GTF3C4: variants seen among roughly 807,000 people sequenced by gnomAD.
GTF3C4 encodes the protein general transcription factor 3C polypeptide 4.
GTF3C4 carries 28 observed loss-of-function variants against 67.5 expected under a neutral mutation model. The ratio of observed to expected loss-of-function variants is 0.41; its 90% CI spans 0.31 to 0.57. The LOEUF (loss-of-function observed/expected upper bound fraction) is 0.57, where lower values mean the gene tolerates loss of function less well. Ranked by LOEUF, GTF3C4 falls within the 20% of genes least tolerant of loss-of-function variation. The pLI, the probability that GTF3C4 is intolerant of heterozygous loss-of-function variation, is 0.21. For synonymous variants in GTF3C4, 409 were observed against 393.0 expected, an observed-to-expected ratio of 1.04 and a Z score of -0.48; for missense variants, 831 against 1,033.2, an observed-to-expected ratio of 0.80 and a Z score of 2.68.
In GTF3C4 at chr9:132,670,945, G is replaced by C; in HGVS notation, c.347G>C (p.Cys116Ser). ...RTSVPAPLNS[C>S]LLKVGSKTEV... ...TCGGTGCCCGCACCGCTCAACAGCTGTCTCCTCAAAGTAAGTCATCCCCCG... is the reference window on the plus strand; with the variant it reads ...TCGGTGCCCGCACCGCTCAACAGCTCTCTCCTCAAAGTAAGTCATCCCCCG... Residue 116 changes from cysteine to serine, a missense_variant, in exon 1 of 5, where the codon TGT becomes TCT. Around this residue, in one of 4 missense-constraint regions of GTF3C4, gnomAD observed 237 missense variants for 212.7 expected, o/e 1.11. Transcript: ENST00000372146. 6.2e-7 allele frequency: 1 copy of C among 1,609,664 alleles called. No individual in the cohort carries two copies. Among genetic ancestry groups the C allele is most frequent in the East Asian group, 2.2e-5 (1 of 44,782 alleles).
intron 1 of GTF3C4, among the ~76,000 whole-genome samples, chr9:132,677,674 T>C (rs747153602): frequency 6.6e-6 from 1 of 152,236 alleles, no homozygotes; most frequent in Non-Finnish European, 1.5e-5. Flanking sequence ...AAATTTCAGA[T>C]AAAGGACCTA....
Position 132,679,559 on chromosome 9 carries a change from A to G in GTF3C4, c.1940A>G (p.Glu647Gly). ...QERSKEGDVE[E>G]PTDDSLPTTG... ...AGGAGCAAGGAAGGAGATGTAGAGGAGCCCACTGATGACTCGCTCCCCACG... is the reference window on the plus strand; with the variant it reads ...AGGAGCAAGGAAGGAGATGTAGAGGGGCCCACTGATGACTCGCTCCCCACG... Residue 647 changes from glutamate to glycine, a missense_variant, in exon 2 of 5, where the codon GAG becomes GGG. Around this residue, in one of 4 missense-constraint regions of GTF3C4, gnomAD observed 75 missense variants for 66.4 expected, o/e 1.13. Transcript: ENST00000372146. The surrounding 1 kb of genome is among the most constrained non-coding windows in gnomAD (Gnocchi z 5.9). 6.2e-7 allele frequency: 1 copy of G among 1,614,150 alleles called. No individual in the cohort carries two copies. Among genetic ancestry groups the G allele is most frequent in the Non-Finnish European group, 8.5e-7 (1 of 1,180,028 alleles).
chr9:132,674,613 A>G (rs1835838138), intron 1 of GTF3C4, among the ~76,000 whole-genome samples: 1 of 152,250 alleles, frequency 6.6e-6, no homozygotes, highest in African/African-American at 2.4e-5. Flanking sequence ...TCTAAGGAGT[A>G]TTGCTTAGTT....
rs1167562844 is a variant in GTF3C4 at position 132,694,404 on chromosome 9, G to A, written c.*5459G>A. ...CAACACTACAAAGCTACTCCTGCCAGAAGAGGGCAGAGTTCTTTCTTGGGT... is the reference window on the plus strand; with the variant it reads ...CAACACTACAAAGCTACTCCTGCCAAAAGAGGGCAGAGTTCTTTCTTGGGT... On this transcript the variant is annotated 3_prime_UTR_variant, in exon 5 of 5. Coordinates refer to ENST00000372146, the MANE Select transcript of GTF3C4 (RefSeq NM_012204.4). 1.3e-5 allele frequency: 2 copies of A among 152,370 alleles called. No homozygotes were observed. The highest frequency in any genetic ancestry group is 3.9e-4 in the East Asian group (2 of 5,184). 9.4% of individuals were successfully genotyped at this position (152,370 alleles called of 1,614,324 possible). A position where few individuals can be genotyped will look rare whatever the true frequency, so the allele number is the denominator to read the frequency against.
Position 132,679,234 on chromosome 9 carries a change from T to G in GTF3C4, c.1615T>G (p.Leu539Val), listed in dbSNP as rs754298365. ...TCAAAACCTTTTTAAGCAGGTAGAT[T>G]TAATAGACCTAGTACGCTGGAAGAT... ...SVQNLFKQVD[L>V]IDLVRWKILK... is the part of the protein sequence containing the mutation. Residue 539 changes from leucine to valine, a missense_variant, in exon 2 of 5, where the codon TTA becomes GTA. Physicochemically the swap from Leu to Val is conservative, Grantham distance 32 (BLOSUM62 1). Around this residue, in one of 4 missense-constraint regions of GTF3C4, gnomAD observed 390 missense variants for 540.3 expected, o/e 0.72. Transcript: ENST00000372146. This position sits in a 1 kb window ranked among gnomAD's most constrained non-coding sequence, Gnocchi z 5.9. 2 of 1,613,882 alleles carry G rather than the reference T, an allele frequency of 1.2e-6. No individual in the cohort carries two copies. Among genetic ancestry groups the G allele is most frequent in the Admixed American group, 3.3e-5 (2 of 59,984 alleles).
At chr9:132,687,874 G>A (rs1836055221) in intron 4 of GTF3C4, among the ~76,000 whole-genome samples, 1 of 152,162 alleles carries the variant, frequency 6.6e-6, no homozygotes, top group African/African-American at 2.4e-5. Context: ...TAATAATGAC[G>A]CAAATGTCAG....
Position 132,688,942 on chromosome 9 carries a change from C to A in GTF3C4, c.2466C>A (p.Phe822Leu). 1 of 1,607,046 alleles carries A rather than the reference C, an allele frequency of 6.2e-7. No homozygotes were observed. The highest frequency in any genetic ancestry group is 8.5e-7 in the Non-Finnish European group (1 of 1,173,716). ...SPCPFCDSPV[F>L] ...GCCCTTTCTGTGATTCTCCTGTCTT[C>A]TAAATAATCAGTGACGGGAAGATGG... Residue 822 changes from phenylalanine (F) to leucine (L), a missense_variant, in exon 5 of 5, where the codon TTC becomes TTA. This residue lies in a region of GTF3C4 where 129 missense variants were observed against 213.8 expected (regional missense o/e 0.60). Transcript: ENST00000372146.
rs1835689148 is a variant in GTF3C4, at chr9:132,670,483, G to T, written c.-116G>T. 1 of 1,022,920 alleles carries T rather than the reference G, an allele frequency of 9.8e-7. No homozygotes were observed. Among genetic ancestry groups the T allele is most frequent in the East Asian group, 3.2e-5 (1 of 31,528 alleles). The allele number at this position is 1,022,920 out of a possible 1,614,324, so 63.4% of individuals were successfully genotyped here. A position where few individuals can be genotyped will look rare whatever the true frequency, so the allele number is the denominator to read the frequency against. Reference sequence around the variant, plus strand: ...GTCCTTCTTGGCTCGGCGGCGCTCGGGGCCTGAGGGGAGAAAACCGCCGCG... The same window carrying T: ...GTCCTTCTTGGCTCGGCGGCGCTCGTGGCCTGAGGGGAGAAAACCGCCGCG... On this transcript the variant is annotated 5_prime_UTR_variant, in exon 1 of 5. Transcript: ENST00000372146.
intron 4 of GTF3C4, among the ~76,000 whole-genome samples, chr9:132,688,436 A>G (rs963873876): frequency 1.3e-5 from 2 of 152,224 alleles, no homozygotes; most frequent in Non-Finnish European, 2.9e-5. Flanking sequence ...ACTGGAGTAG[A>G]GTTTTTCATA....
In GTF3C4 at chr9:132,687,231, T is replaced by C; in HGVS notation, c.2316-8T>C. 1 of 1,550,606 alleles carries C rather than the reference T, an allele frequency of 6.4e-7. No homozygotes were observed. The highest frequency in any genetic ancestry group is 8.9e-7 in the Non-Finnish European group (1 of 1,121,894). ...TCTCCCTTGCCAATACAGTCTGTCT[T>C]CTTTCAGGTGCTTCTTAACCTACCA... On this transcript the variant is annotated splice_region_variant and splice_polypyrimidine_tract_variant and intron_variant, in intron 3 of 4. Coordinates refer to ENST00000372146, the MANE Select transcript of GTF3C4 (RefSeq NM_012204.4).
intron 1 of GTF3C4, among the ~76,000 whole-genome samples, chr9:132,671,699 T>C (rs1448465879): frequency 4.3e-5 from 6 of 140,976 alleles, no homozygotes; most frequent in Non-Finnish European, 7.6e-5. Context: ...GATAGAGGTG[T>C]ACGCTTACAT....
rs766892928 is a variant in GTF3C4 at position 132,670,959 on chromosome 9, A to G, written c.357+4A>G. 4.4e-6 allele frequency: 7 copies of G among 1,594,870 alleles called. No homozygotes were observed. Among genetic ancestry groups the G allele is most frequent in the East Asian group, 4.5e-5 (2 of 44,648 alleles). Reference sequence around the variant, plus strand: ...GCTCAACAGCTGTCTCCTCAAAGTAAGTCATCCCCCGCCATCCCTGGGGTC... The same window carrying G: ...GCTCAACAGCTGTCTCCTCAAAGTAGGTCATCCCCCGCCATCCCTGGGGTC... On this transcript the variant is annotated splice_donor_region_variant and intron_variant, in intron 1 of 4. Coordinates refer to ENST00000372146, the MANE Select transcript of GTF3C4 (RefSeq NM_012204.4).
Position 132,694,155 on chromosome 9 carries a change from A to AC in GTF3C4, c.*5216dup, listed in dbSNP as rs1161348973. On this transcript the variant is annotated 3_prime_UTR_variant, in exon 5 of 5. Coordinates refer to ENST00000372146, the MANE Select transcript of GTF3C4 (RefSeq NM_012204.4). ...GATAACAATGCATTTTGCTTGGAAT[A>AC]CCCCCCAATCCAGAAAAGTTGGTGA... 3 of 152,084 alleles carry AC rather than the reference A, an allele frequency of 2.0e-5. No individual in the cohort carries two copies. Among genetic ancestry groups the AC allele is most frequent in the Admixed American group, 1.3e-4 (2 of 15,256 alleles). The allele number at this position is 152,084 out of a possible 1,614,324, so 9.4% of individuals were successfully genotyped here.
chr9:132,688,983 T>C lies in GTF3C4; in HGVS notation c.*38T>C. Reference sequence around the variant, plus strand: ...GGGAAGATGGAAGGGCATGATGAACTCTGCCATAGAAAACTTCCTCCAGCC... The same window carrying C: ...GGGAAGATGGAAGGGCATGATGAACCCTGCCATAGAAAACTTCCTCCAGCC... On this transcript the variant is annotated 3_prime_UTR_variant, in exon 5 of 5. Coordinates refer to ENST00000372146, the MANE Select transcript of GTF3C4 (RefSeq NM_012204.4). The C allele has an allele frequency of 2.0e-6, 3 of 1,479,278 alleles. No homozygotes were observed. Among genetic ancestry groups the C allele is most frequent in the Non-Finnish European group, 2.8e-6 (3 of 1,059,314 alleles). 91.6% of individuals were successfully genotyped at this position (1,479,278 alleles called of 1,614,324 possible). A position where few individuals can be genotyped will look rare whatever the true frequency, so the allele number is the denominator to read the frequency against.
At chr9:132,677,427 G>A (rs1447140114) in intron 1 of GTF3C4, among the ~76,000 whole-genome samples, 2 of 152,152 alleles carry the variant, frequency 1.3e-5, no homozygotes, top group African/African-American at 4.8e-5. Flanking sequence ...TTACGAACTT[G>A]GAGGAGGGAG....
chr9:132,671,121 AAAAAG>A (rs1445494150), intron 1 of GTF3C4, among the ~76,000 whole-genome samples, 166 bp downstream of exon 1: 3 of 151,844 alleles, frequency 2.0e-5, no homozygotes, highest in East Asian at 1.9e-4. Flanking sequence ...TTAAAAAAAA[AAAAAG>A]AAAAGCTCTG....
chr9:132,679,250 G>A lies in GTF3C4; in HGVS notation c.1631G>A (p.Arg544His), dbSNP rs748315051. ...CAGGTAGATTTAATAGACCTAGTAC[G>A]CTGGAAGATTTTAAAAGATAAACAT... is the stretch of plus-strand genomic sequence containing the variant. ...FKQVDLIDLV[R>H]WKILKDKHIP... The change falls in exon 2 of 5, where the codon CGC (arginine) becomes CAC (histidine). Residue 544 changes from arginine (R) to histidine (H), a missense_variant. Arg to His is a conservative substitution (Grantham distance 29). This residue lies in a region of GTF3C4 where 390 missense variants were observed against 540.3 expected (regional missense o/e 0.72). Transcript: ENST00000372146. The surrounding 1 kb of genome is among the most constrained non-coding windows in gnomAD (Gnocchi z 5.9). 2 of 1,613,254 alleles carry A rather than the reference G, an allele frequency of 1.2e-6. No individual in the cohort carries two copies. The highest frequency in any genetic ancestry group is 8.5e-7 in the Non-Finnish European group (1 of 1,179,556).
In GTF3C4 at chr9:132,679,455, T is replaced by C; in HGVS notation, c.1836T>C (p.Pro612=). The change falls in exon 2 of 5, where the codon CCT becomes CCC. Residue 612 remains proline (P), a synonymous_variant. Coordinates refer to ENST00000372146, the MANE Select transcript of GTF3C4 (RefSeq NM_012204.4). This position sits in a 1 kb window ranked among gnomAD's most constrained non-coding sequence, Gnocchi z 5.9. ...EDSKILLVDS[P]GMGNADDEQQ... ...CAAAAATCTTACTAGTGGATTCGCC[T>C]GGGATGGGCAATGCTGACGATGAAC... 6.2e-7 allele frequency: 1 copy of C among 1,614,066 alleles called. No individual in the cohort carries two copies. The highest frequency in any genetic ancestry group is 8.5e-7 in the Non-Finnish European group (1 of 1,180,004).
Position 132,689,036 on chromosome 9 carries a change from C to G in GTF3C4, c.*91C>G, listed in dbSNP as rs967623901. 2 of 922,624 alleles carry G rather than the reference C, an allele frequency of 2.2e-6. No individual in the cohort carries two copies. Among genetic ancestry groups the G allele is most frequent in the African/African-American group, 1.6e-5 (1 of 62,020 alleles). The allele number at this position is 922,624 out of a possible 1,614,324, so 57.2% of individuals were successfully genotyped here. ...AAGAGAAGGATGCACTGGAGGAAGC[C>G]GGACCCTCACGAGTGGAGAGAAGTC... On this transcript the variant is annotated 3_prime_UTR_variant, in exon 5 of 5. Coordinates refer to ENST00000372146, the MANE Select transcript of GTF3C4 (RefSeq NM_012204.4).
Sources: allele counts gnomAD v4.1 joint callset (sites outside exome capture counted in the v4.1 genomes callset), GRCh38; gene constraint gnomAD v4.1.1; regional missense constraint gnomAD v4.1.1; non-coding constraint Gnocchi (gnomAD v3.1); transcripts MANE v1.5; gene names NCBI Gene and HGNC (gene_info 2026-07-23, HGNC 2026-07-21).